Variants in DGKI observed in about 807,000 individuals in gnomAD.
The protein encoded by DGKI is diacylglycerol kinase iota, also known as DAG kinase iota.
A neutral mutation model predicts 147.5 loss-of-function variants in DGKI; 55 were observed. The ratio of observed to expected loss-of-function variants is 0.37; its 90% CI spans 0.30 to 0.47. The LOEUF is 0.47. Ranked by LOEUF, DGKI falls within the 20% of genes least tolerant of loss-of-function variation. The pLI is 1.00. For missense variants in DGKI, 1,007 were observed against 1,323.8 expected (o/e 0.76, Z 3.71); for synonymous variants, 469 against 477.1 (o/e 0.98, Z 0.22).
intron 28 of DGKI, among the ~76,000 whole-genome samples, chr7:137,423,008 T>C (rs916019207): frequency 6.6e-6 from 1 of 152,204 alleles, no homozygotes; most frequent in Non-Finnish European, 1.5e-5. Context: ...TGGAAACTGA[T>C]GTAGCAATGC....
intron 28 of DGKI, among the ~76,000 whole-genome samples, chr7:137,432,631 A>T (rs1159724488): frequency 1.3e-5 from 2 of 152,194 alleles, no homozygotes; most frequent in East Asian, 3.8e-4. Context: ...GTTTAATGAC[A>T]TTAAGTAATT....
chr7:137,843,937 T>TCC (rs1455531580), intron 1 of DGKI, among the ~76,000 whole-genome samples: 1 of 151,964 alleles, frequency 6.6e-6, no homozygotes, highest in African/African-American at 2.4e-5. Context: ...GCAGCCATGC[T>TCC]CCATACCCTA....
At chr7:137,694,337 A>T (rs947276956) in intron 1 of DGKI, among the ~76,000 whole-genome samples, 20 of 151,902 alleles carry the variant, frequency 1.3e-4, no homozygotes, top group African/African-American at 4.1e-4. Context: ...AAAAAAAAAA[A>T]TTTATGGAAA....
In DGKI at chr7:137,689,629, G is replaced by C. The variant is rs550663287; in HGVS notation, c.510+265C>G. On this transcript the variant is annotated intron_variant, in intron 2 of 32. Coordinates refer to ENST00000614521, the MANE Select transcript of DGKI (RefSeq NM_001321708.2). ...AGAAACCAATAAAGACTGCGCACGA[G>C]GTACTTTTTAATCTTACAGCTGCAG... Among the ~76,000 whole-genome samples the C allele has an allele frequency of 2.0e-5, 3 of 152,292 alleles. No individual in the cohort carries two copies. In the East Asian group the frequency reaches 5.8e-4, roughly 29 times the overall value.
chr7:137,602,006 A>C (rs1820006529), intron 10 of DGKI, among the ~76,000 whole-genome samples: 1 of 152,170 alleles, frequency 6.6e-6, no homozygotes, highest in Non-Finnish European at 1.5e-5. Flanking sequence ...ATACACACTA[A>C]ATACTAGATC....
chr7:137,616,695 A>G (rs1820542344), intron 8 of DGKI, among the ~76,000 whole-genome samples: 1 of 152,182 alleles, frequency 6.6e-6, no homozygotes, highest in African/African-American at 2.4e-5. Context: ...CGTATTGGAA[A>G]AACACATAAT....
intron 28 of DGKI, among the ~76,000 whole-genome samples, chr7:137,416,451 G>A (rs1812363210): frequency 6.6e-6 from 1 of 152,142 alleles, no homozygotes; most frequent in Admixed American, 6.6e-5. Context: ...GGTGTCTGAG[G>A]GAATCTGCAA....
chr7:137,673,199 T>C (rs1047598049), intron 3 of DGKI, among the ~76,000 whole-genome samples: 4 of 152,180 alleles, frequency 2.6e-5, no homozygotes, highest in Admixed American at 2.0e-4. Context: ...AGTTACATTC[T>C]GAGGTACTGA....
At chr7:137,396,911 T>C (rs1445197156) in intron 31 of DGKI, among the ~76,000 whole-genome samples, 1 of 152,232 alleles carries the variant, frequency 6.6e-6, no homozygotes, top group Non-Finnish European at 1.5e-5. Flanking sequence ...AGAGTGACTA[T>C]GTTCTCAGTT....
At chr7:137,432,567 TTAGA>T (rs1447860096) in intron 28 of DGKI, among the ~76,000 whole-genome samples, 4 of 152,186 alleles carry the variant, frequency 2.6e-5, no homozygotes, top group Non-Finnish European at 5.9e-5. Flanking sequence ...AATAAGCCTA[TTAGA>T]TATATACTCT....
intron 19 of DGKI, among the ~76,000 whole-genome samples, chr7:137,566,802 T>C (rs1818600101): frequency 1.3e-5 from 2 of 152,142 alleles, no homozygotes; most frequent in Non-Finnish European, 2.9e-5. Flanking sequence ...ACTCTAAACA[T>C]ATATTTTAAA....
chr7:137,721,876 C>G (rs1017127048), intron 1 of DGKI: 5 of 676,644 alleles, frequency 7.4e-6, no homozygotes, highest in Admixed American at 3.1e-5. Context: ...TTCCATTTGC[C>G]CAGAATGCTA....
At chr7:137,540,093 T>G (rs1817639334) in intron 20 of DGKI, among the ~76,000 whole-genome samples, 1 of 152,226 alleles carries the variant, frequency 6.6e-6, no homozygotes, top group Non-Finnish European at 1.5e-5. Context: ...AGAGATTGAA[T>G]TTATAGCTTA....
In DGKI at chr7:137,429,504, A is replaced by C. The variant is rs1397576775; in HGVS notation, c.2761+14573T>G. Among the ~76,000 whole-genome samples, 5 of 150,100 alleles carry C rather than the reference A, an allele frequency of 3.3e-5. No individual in the cohort carries two copies. In the South Asian group the frequency reaches 6.3e-4, roughly 19 times the overall value. ...GGACATAGGCATGGGCAAGGACTTCATGTCTAAAACACCAAAAGCAATGGC... is the reference window on the plus strand; with the variant it reads ...GGACATAGGCATGGGCAAGGACTTCCTGTCTAAAACACCAAAAGCAATGGC... On this transcript the variant is annotated intron_variant, in intron 28 of 32. Transcript: ENST00000614521.
At chr7:137,670,131 T>C (rs555456704) in intron 3 of DGKI, among the ~76,000 whole-genome samples, 1 of 152,354 alleles carries the variant, frequency 6.6e-6, no homozygotes, top group South Asian at 2.1e-4. Context: ...TTTTAATGTA[T>C]AATGCCGTAT....
intron 21 of DGKI, among the ~76,000 whole-genome samples, chr7:137,491,140 A>G (rs1815747949): frequency 6.6e-6 from 1 of 152,228 alleles, no homozygotes; most frequent in Non-Finnish European, 1.5e-5. Flanking sequence ...TTTCTACTGC[A>G]AAACCCTCAA....
chr7:137,416,833 A>T (rs1024406708), intron 28 of DGKI, among the ~76,000 whole-genome samples: 1 of 152,222 alleles, frequency 6.6e-6, no homozygotes, highest in African/African-American at 2.4e-5. Flanking sequence ...AATAGGTAGA[A>T]GATCATATGA....
At chr7:137,619,775 T>A (rs367771366) in intron 8 of DGKI, 49 bp downstream of exon 8, 21 of 1,421,228 alleles carry the variant, frequency 1.5e-5, no homozygotes, top group Non-Finnish European at 2.0e-5. Context: ...GAAGCAGCAG[T>A]TCATTTTTCT....
At chr7:137,625,896 G>C (rs1288802190) in intron 6 of DGKI, among the ~76,000 whole-genome samples, 2 of 152,142 alleles carry the variant, frequency 1.3e-5, no homozygotes, top group Non-Finnish European at 2.9e-5. Context: ...AAGCTGTTCT[G>C]TTTAGGCAGT....
Sources: gnomAD v4.1 joint callset for allele counts (sites outside exome capture counted in the v4.1 genomes callset) on GRCh38, gnomAD v4.1.1 for gene constraint, MANE v1.5 for transcripts, NCBI Gene and HGNC (gene_info 2026-07-23, HGNC 2026-07-21) for gene names.